PRKCE: variants seen among roughly 807,000 people sequenced by gnomAD.
The protein encoded by PRKCE is protein kinase C epsilon, also known as protein kinase C epsilon type.
PRKCE carries 16 observed loss-of-function variants against 85.4 expected under a neutral mutation model. That is an observed-to-expected ratio of 0.19 (90% CI 0.13 to 0.28). The LOEUF is 0.28. Among genes scored for constraint, PRKCE ranks in the 10% least tolerant of loss-of-function variants. The pLI is 1.00. For synonymous variants in PRKCE, 388 were observed against 371.5 expected (o/e 1.04, Z -0.51); for missense variants, 573 against 975.2 (o/e 0.59, Z 5.49).
rs74667891 is a variant in PRKCE at position 45,760,482 on chromosome 2, A to G, written c.349-82518A>G. Among the ~76,000 whole-genome samples, 10 of 152,336 alleles carry G rather than the reference A, an allele frequency of 6.6e-5. No individual in the cohort carries two copies. In the East Asian group the frequency reaches 1.9e-3, roughly 29 times the overall value. On this transcript the variant is annotated intron_variant, in intron 1 of 14. Transcript: ENST00000306156. ...CATTTTCTCATGTGGGAGTTTACAT[A>G]AAAGACACAGTGGCATAATAAACAT...
chr2:45,861,667 T>C (rs1693171198), intron 2 of PRKCE, among the ~76,000 whole-genome samples: 2 of 152,198 alleles, frequency 1.3e-5, no homozygotes. Flanking sequence ...ATTTGAACTG[T>C]TGGCGAGAAT....
At chr2:46,133,622 G>A (rs556564301) in intron 11 of PRKCE, among the ~76,000 whole-genome samples, 6 of 152,196 alleles carry the variant, frequency 3.9e-5, no homozygotes, top group South Asian at 2.1e-4. Context: ...CCATCATTTC[G>A]TTCTGACATT....
At chr2:45,756,075 A>G (rs865800018) in intron 1 of PRKCE, among the ~76,000 whole-genome samples, 1 of 152,228 alleles carries the variant, frequency 6.6e-6, no homozygotes, top group African/African-American at 2.4e-5. Flanking sequence ...TGAACTGCCA[A>G]GGACTATAGA....
At chr2:45,979,141 C>T (rs1474245573) in intron 4 of PRKCE, 131 bp downstream of exon 4, 5 of 869,620 alleles carry the variant, frequency 5.7e-6, no homozygotes, top group Non-Finnish European at 9.1e-6. Flanking sequence ...TTCTTTGTTC[C>T]CACTTGACCA....
chr2:45,991,460 C>T (rs1390174416), intron 6 of PRKCE, among the ~76,000 whole-genome samples: 1 of 152,158 alleles, frequency 6.6e-6, no homozygotes, highest in African/African-American at 2.4e-5. Flanking sequence ...ATCCTCCGTG[C>T]ATAGTTATAT....
At chr2:45,686,945 G>C (rs1358569859) in intron 1 of PRKCE, among the ~76,000 whole-genome samples, 2 of 152,032 alleles carry the variant, frequency 1.3e-5, no homozygotes, top group Non-Finnish European at 2.9e-5. Flanking sequence ...TCTATACCTA[G>C]TTTCTTCTGC....
intron 2 of PRKCE, among the ~76,000 whole-genome samples, chr2:45,974,326 C>T (rs1277365831): frequency 1.3e-5 from 2 of 152,190 alleles, no homozygotes; most frequent in African/African-American, 2.4e-5. Flanking sequence ...CAGGTCAAGA[C>T]CCCTAGGTTG....
At chr2:45,993,260 A>T (rs1703955195) in intron 6 of PRKCE, among the ~76,000 whole-genome samples, 1 of 152,204 alleles carries the variant, frequency 6.6e-6, no homozygotes, top group Non-Finnish European at 1.5e-5. Flanking sequence ...GTGGCCTCCC[A>T]GTGACACCTG....
At chr2:46,132,928 G>A (rs1674605164) in intron 11 of PRKCE, among the ~76,000 whole-genome samples, 1 of 152,152 alleles carries the variant, frequency 6.6e-6, no homozygotes, top group African/African-American at 2.4e-5. Context: ...CACTTTGCAG[G>A]AAGACGTGCC....
chr2:45,732,081 C>A (rs879401477), intron 1 of PRKCE, among the ~76,000 whole-genome samples: 1 of 152,112 alleles, frequency 6.6e-6, no homozygotes, highest in Non-Finnish European at 1.5e-5. Context: ...ATACAGATGT[C>A]CTAGAGAAGG....
chr2:45,800,363 T>TG (rs556039960), intron 1 of PRKCE, among the ~76,000 whole-genome samples: 95 of 152,324 alleles, frequency 6.2e-4, no homozygotes, highest in African/African-American at 2.2e-3. Context: ...AGCCTCATGC[T>TG]GGGGGGTCTG....
intron 6 of PRKCE, among the ~76,000 whole-genome samples, chr2:45,991,854 G>A (rs796526188): frequency 1.2e-4 from 18 of 152,274 alleles, no homozygotes; most frequent in African/African-American, 4.3e-4. Context: ...CGTTTAATTT[G>A]TGTGGCTTGC....
At chr2:46,132,494 A>G (rs538994967) in intron 11 of PRKCE, among the ~76,000 whole-genome samples, 1 of 152,262 alleles carries the variant, frequency 6.6e-6, no homozygotes, top group African/African-American at 2.4e-5. Context: ...ACATGGAGAA[A>G]TGGAGGCTGT....
intron 10 of PRKCE, 107 bp downstream of exon 10, chr2:46,010,624 T>C (rs1275387874): frequency 3.8e-6 from 6 of 1,599,064 alleles, no homozygotes; most frequent in Non-Finnish European, 4.2e-6. Context: ...CTTTGTAAAG[T>C]GGGATGGGTT....
chr2:45,739,397 A>G (rs1403449), intron 1 of PRKCE, among the ~76,000 whole-genome samples: 84,306 of 151,988 alleles, frequency 0.55, 24,062 homozygotes, highest in African/African-American at 0.68. Context: ...GCAGCTGTTG[A>G]CTCAGTCGCA....
intron 11 of PRKCE, among the ~76,000 whole-genome samples, chr2:46,126,713 T>C (rs1393551832): frequency 6.6e-6 from 1 of 152,208 alleles, no homozygotes; most frequent in African/African-American, 2.4e-5. Context: ...ACCGGGTCTA[T>C]GGTAAGGGAT....
At chr2:45,738,899 C>T (rs1352048737) in intron 1 of PRKCE, among the ~76,000 whole-genome samples, 2 of 152,190 alleles carry the variant, frequency 1.3e-5, no homozygotes, top group Non-Finnish European at 2.9e-5. Context: ...TGATCTTCAC[C>T]ACACTTCAAA....
chr2:45,845,577 A>G (rs1379994742), intron 2 of PRKCE: 2 of 152,172 alleles, frequency 1.3e-5, no homozygotes, highest in East Asian at 3.9e-4. Flanking sequence ...AACACATGCA[A>G]ATTCCAAGGA....
Position 46,185,014 on chromosome 2 carries a change from A to G in PRKCE, c.*133A>G, listed in dbSNP as rs970391793. ...CCAGTCCCATGTCCACTGTCTATTT[A>G]TTGCATTCCCTTGCCCCAGGCCACC... On this transcript the variant is annotated 3_prime_UTR_variant, in exon 15 of 15. Coordinates refer to ENST00000306156, the MANE Select transcript of PRKCE (RefSeq NM_005400.3). This position sits in a 1 kb window ranked among gnomAD's most constrained non-coding sequence, Gnocchi z 4.7. 27 of 1,277,410 alleles carry G rather than the reference A, an allele frequency of 2.1e-5. No individual in the cohort carries two copies. Among genetic ancestry groups the G allele is most frequent in the Middle Eastern group, 2.7e-4 (1 of 3,720 alleles). The allele number at this position is 1,277,410 out of a possible 1,614,324, so 79.1% of individuals were successfully genotyped here.
Sources: gnomAD v4.1 joint callset for allele counts (sites outside exome capture counted in the v4.1 genomes callset) on GRCh38, gnomAD v4.1.1 for gene constraint, Gnocchi (gnomAD v3.1) non-coding constraint, MANE v1.5 for transcripts, NCBI Gene and HGNC (gene_info 2026-07-23, HGNC 2026-07-21) for gene names.